The following LPP variants were observed in gnomAD, a reference collection of about 807,000 sequenced individuals.
LPP encodes the protein lipoma-preferred partner.
A neutral mutation model predicts 60.4 loss-of-function variants in LPP; 38 were observed. The observed-to-expected ratio is 0.63, with a 90% CI of 0.49 to 0.83. The LOEUF is 0.83. Among genes scored for constraint, LPP ranks in the 40% least tolerant of loss-of-function variants. LPP has a pLI of 0.00. For synonymous variants in LPP, 328 were observed against 290.8 expected (o/e 1.13, Z -1.30); for missense variants, 902 against 783.6 (o/e 1.15, Z -1.80).
At chr3:188,659,113 C>T (rs1364844947) in intron 7 of LPP, among the ~76,000 whole-genome samples, 1 of 152,152 alleles carries the variant, frequency 6.6e-6, no homozygotes, top group Non-Finnish European at 1.5e-5. Context: ...AATAGTGCAT[C>T]TTGATGCATT....
At chr3:188,368,999 G>A (rs971103972) in intron 3 of LPP, among the ~76,000 whole-genome samples, 118 of 152,190 alleles carry the variant, frequency 7.8e-4, no homozygotes, top group African/African-American at 2.7e-3. Flanking sequence ...TACAGTTATC[G>A]CCATGAGATG....
At chr3:188,421,489 CT>C (rs1337123986) in intron 4 of LPP, among the ~76,000 whole-genome samples, 1 of 152,162 alleles carries the variant, frequency 6.6e-6, no homozygotes, top group South Asian at 2.1e-4. Context: ...GAAAGCAAGC[CT>C]TAAGGAGCAA....
chr3:188,851,550 A>G (rs899878692), intron 9 of LPP, among the ~76,000 whole-genome samples: 1 of 152,146 alleles, frequency 6.6e-6, no homozygotes, highest in Admixed American at 6.5e-5. Context: ...ATGCTCTAGG[A>G]TTTTTAATAA....
At chr3:188,276,038 G>T (rs936798879) in intron 2 of LPP, among the ~76,000 whole-genome samples, 7 of 152,182 alleles carry the variant, frequency 4.6e-5, no homozygotes, top group Admixed American at 6.5e-5. Flanking sequence ...GTTACCATTT[G>T]AAAGACTGAA....
At chr3:188,804,243 TTATATATATA>T (rs60989319) in intron 9 of LPP, among the ~76,000 whole-genome samples, 754 of 37,694 alleles carry the variant, frequency 0.02, 53 homozygotes, top group African/African-American at 0.047. Context: ...TAGTGCATCT[TTATATATATA>T]TATATATATA....
At chr3:188,613,645 C>G (rs1844296760) in intron 7 of LPP, among the ~76,000 whole-genome samples, 4 of 152,014 alleles carry the variant, frequency 2.6e-5, no homozygotes, top group Admixed American at 1.3e-4. Context: ...GAAGATGAGA[C>G]CTTGGAGGTC....
intron 2 of LPP, among the ~76,000 whole-genome samples, chr3:188,317,469 CTT>C: frequency 6.6e-6 from 1 of 152,270 alleles, no homozygotes; most frequent in South Asian, 2.1e-4. Flanking sequence ...ATCTCTGTGA[CTT>C]TGTGTCTCCT....
chr3:188,734,223 T>C (rs1403088461), intron 8 of LPP, among the ~76,000 whole-genome samples: 3 of 152,222 alleles, frequency 2.0e-5, no homozygotes, highest in Non-Finnish European at 2.9e-5. Context: ...TCTTTTAAAA[T>C]TTATCATAAA....
chr3:188,629,324 A>G (rs1847432609), intron 7 of LPP, among the ~76,000 whole-genome samples: 1 of 152,148 alleles, frequency 6.6e-6, no homozygotes, highest in Admixed American at 6.6e-5. Flanking sequence ...AGAAAACCCC[A>G]TAGACTCTGC....
intron 8 of LPP, among the ~76,000 whole-genome samples, chr3:188,737,496 C>T (rs1722934707): frequency 6.6e-6 from 1 of 152,162 alleles, no homozygotes; most frequent in African/African-American, 2.4e-5. Flanking sequence ...CATTGATCAC[C>T]CTTTTTTGTT....
chr3:188,675,607 G>A (rs944731842), intron 7 of LPP, among the ~76,000 whole-genome samples: 1 of 152,076 alleles, frequency 6.6e-6, no homozygotes, highest in Non-Finnish European at 1.5e-5. Context: ...TTCTACTGTC[G>A]AGTGGCTTTA....
chr3:188,599,526 A>G (rs538182684), intron 6 of LPP, among the ~76,000 whole-genome samples: 1 of 152,224 alleles, frequency 6.6e-6, no homozygotes, highest in Non-Finnish European at 1.5e-5. Flanking sequence ...ATACCCTATC[A>G]TAAGTGTTGT....
intron 3 of LPP, among the ~76,000 whole-genome samples, chr3:188,355,644 A>G (rs77550053): frequency 0.012 from 1,797 of 152,306 alleles, 41 homozygotes; most frequent in African/African-American, 0.04. Context: ...ATATATGTAC[A>G]TATATATGAT....
chr3:188,484,569 T>C (rs752705439), intron 4 of LPP, 23 bp from the exon 5 acceptor site: 1 of 1,517,862 alleles, frequency 6.6e-7, no homozygotes, highest in African/African-American at 1.4e-5. Context: ...ATTAACTTCA[T>C]GTTGTTTACT....
At chr3:188,292,211 T>C (rs1299400523) in intron 2 of LPP, among the ~76,000 whole-genome samples, 1 of 152,232 alleles carries the variant, frequency 6.6e-6, no homozygotes, top group Non-Finnish European at 1.5e-5. Flanking sequence ...GGAAACAGGA[T>C]GTGCAAACTT....
chr3:188,168,422 C>T (rs1395660495), intron 1 of LPP, among the ~76,000 whole-genome samples: 1 of 152,190 alleles, frequency 6.6e-6, no homozygotes, highest in Non-Finnish European at 1.5e-5. Context: ...TAAACTGTGT[C>T]TACGTTGAAA....
intron 4 of LPP, among the ~76,000 whole-genome samples, chr3:188,455,195 G>T (rs976999265): frequency 3.3e-5 from 5 of 152,066 alleles, no homozygotes; most frequent in African/African-American, 1.2e-4. Context: ...AAAATTTTTA[G>T]CTGAGAGCCT....
At chr3:188,463,038 G>A (rs1414081265) in intron 4 of LPP, among the ~76,000 whole-genome samples, 2 of 152,178 alleles carry the variant, frequency 1.3e-5, no homozygotes, top group East Asian at 3.8e-4. Context: ...CCAGGAGGCA[G>A]AGGCTGCAAT....
At chr3:188,401,253 A>G (rs1005231005) in intron 3 of LPP, among the ~76,000 whole-genome samples, 2 of 152,202 alleles carry the variant, frequency 1.3e-5, no homozygotes, top group Non-Finnish European at 1.5e-5. Flanking sequence ...TTATCTTTAT[A>G]TAAAACCTTT....
Sources: gnomAD v4.1 joint callset for allele counts (sites outside exome capture counted in the v4.1 genomes callset) on GRCh38, gnomAD v4.1.1 for gene constraint, MANE v1.5 for transcripts, NCBI Gene and HGNC (gene_info 2026-07-23, HGNC 2026-07-21) for gene names.